GMDS: variants seen among roughly 807,000 people sequenced by gnomAD.
GMDS encodes the protein GDP-mannose 4,6-dehydratase.
GMDS carries 20 observed loss-of-function variants against 49.9 expected under a neutral mutation model. The ratio of observed to expected loss-of-function variants is 0.40; its 90% CI spans 0.28 to 0.58. The LOEUF is 0.58. GMDS is among the 20% of genes least tolerant of loss of function. The probability of loss-of-function intolerance (pLI) is 0.42; values close to 1 mark genes in which losing one functional copy is unlikely to be tolerated. For missense variants in GMDS, 362 were observed against 481.4 expected, an observed-to-expected ratio of 0.75 and a Z score of 2.32; for synonymous variants, 177 against 178.6, an observed-to-expected ratio of 0.99 and a Z score of 0.07.
At chr6:1,851,129 A>G (rs78521455) in intron 7 of GMDS, among the ~76,000 whole-genome samples, 4,284 of 152,284 alleles carry the variant, frequency 0.028, 199 homozygotes, top group African/African-American at 0.097. Flanking sequence ...TGTGGACGGG[A>G]ATGTTCCATC....
chr6:1,989,161 A>C (rs1484324405), intron 4 of GMDS, among the ~76,000 whole-genome samples: 10 of 152,362 alleles, frequency 6.6e-5, no homozygotes, highest in African/African-American at 2.4e-4. Context: ...AAGTCCTACA[A>C]GTTACAATCT....
At chr6:1,942,424 C>T (rs1762866227) in intron 6 of GMDS, among the ~76,000 whole-genome samples, 1 of 152,170 alleles carries the variant, frequency 6.6e-6, no homozygotes, top group Non-Finnish European at 1.5e-5. Context: ...CCTAACCCTG[C>T]CATCCTGACT....
intron 4 of GMDS, among the ~76,000 whole-genome samples, chr6:1,962,027 A>G (rs1763975127): frequency 6.6e-6 from 1 of 152,262 alleles, no homozygotes; most frequent in Non-Finnish European, 1.5e-5. Flanking sequence ...CAAAGGTAAG[A>G]AAGCAAATTT....
chr6:2,101,821 T>A (rs1244786522), intron 4 of GMDS, among the ~76,000 whole-genome samples: 2 of 152,104 alleles, frequency 1.3e-5, no homozygotes, highest in Non-Finnish European at 2.9e-5. Context: ...CAATCATCTA[T>A]CAATTTAAAT....
chr6:1,821,953 A>G (rs1770921451), intron 7 of GMDS, among the ~76,000 whole-genome samples: 1 of 152,126 alleles, frequency 6.6e-6, no homozygotes, highest in African/African-American at 2.4e-5. Context: ...TGCCAGGGTT[A>G]AAGGCTGGGT....
At chr6:2,244,555 C>T (rs533844371) in intron 1 of GMDS, among the ~76,000 whole-genome samples, 107 of 152,274 alleles carry the variant, frequency 7.0e-4, no homozygotes, top group Middle Eastern at 3.4e-3. Context: ...CCTACTGCAA[C>T]ACCTCTAAGA....
chr6:1,640,850 A>G lies in GMDS; in HGVS notation c.988-16310T>C, dbSNP rs886218256. Among the ~76,000 whole-genome samples the G allele has an allele frequency of 4.6e-5, 7 of 152,186 alleles. No homozygotes were observed. The highest frequency in any genetic ancestry group is 1.0e-4 in the Non-Finnish European group (7 of 68,016). ...CACGAATGCCAACACGGTACTGTTT[A>G]GGCAGAGTTATGATTGACAGTGGGG... is the stretch of plus-strand genomic sequence containing the variant. On this transcript the variant is annotated intron_variant, in intron 9 of 10. Transcript: ENST00000380815. The surrounding 1 kb of genome is among the most constrained non-coding windows in gnomAD (Gnocchi z 4.0).
At chr6:1,726,577 A>G in intron 8 of GMDS, 65 bp from the exon 9 acceptor site, 3 of 1,166,184 alleles carry the variant, frequency 2.6e-6, no homozygotes, top group Non-Finnish European at 3.9e-6. Context: ...ATGCTGTAGC[A>G]CCTTGGGATG....
At chr6:2,118,063 T>C (rs532249928) in intron 2 of GMDS, among the ~76,000 whole-genome samples, 1 of 152,174 alleles carries the variant, frequency 6.6e-6, no homozygotes, top group Admixed American at 6.5e-5. Flanking sequence ...TGCAGCTAAG[T>C]AGAAAAGTCG....
intron 7 of GMDS, among the ~76,000 whole-genome samples, chr6:1,772,082 T>C (rs546751782): frequency 6.6e-6 from 1 of 152,340 alleles, no homozygotes; most frequent in African/African-American, 2.4e-5. Flanking sequence ...ATGATATTTA[T>C]GAAAACAGTA....
intron 7 of GMDS, among the ~76,000 whole-genome samples, chr6:1,788,559 A>C (rs1421757696): frequency 6.6e-6 from 1 of 152,124 alleles, no homozygotes; most frequent in African/African-American, 2.4e-5. Context: ...GAACAATAAG[A>C]CCTGCAGGTG....
chr6:1,877,520 C>A (rs776639572), intron 7 of GMDS, among the ~76,000 whole-genome samples: 35 of 151,676 alleles, frequency 2.3e-4, no homozygotes, highest in Non-Finnish European at 4.4e-4. Context: ...TCCCTTTAGT[C>A]CCAACAACTC....
At chr6:2,129,276 C>T (rs981879624) in intron 1 of GMDS, among the ~76,000 whole-genome samples, 2 of 152,132 alleles carry the variant, frequency 1.3e-5, no homozygotes, top group African/African-American at 4.8e-5. Context: ...CCCACACACA[C>T]CCCATCCCAA....
chr6:1,669,045 A>G (rs1034838431), intron 9 of GMDS, among the ~76,000 whole-genome samples: 2 of 152,258 alleles, frequency 1.3e-5, no homozygotes, highest in African/African-American at 4.8e-5. Flanking sequence ...ACTAGTGAAG[A>G]ACTCTCTGCA....
intron 1 of GMDS, among the ~76,000 whole-genome samples, chr6:2,125,134 G>A (rs968429014): frequency 6.6e-6 from 1 of 152,156 alleles, no homozygotes; most frequent in Non-Finnish European, 1.5e-5. Flanking sequence ...ATTCTGGGGG[G>A]TCATTAAACA....
At chr6:1,687,840 G>C (rs1765033523) in intron 9 of GMDS, among the ~76,000 whole-genome samples, 1 of 152,146 alleles carries the variant, frequency 6.6e-6, no homozygotes, top group Non-Finnish European at 1.5e-5. Flanking sequence ...AGGGCATGGG[G>C]GTAAGAGGGC....
intron 8 of GMDS, among the ~76,000 whole-genome samples, chr6:1,742,010 C>A (rs1321460758): frequency 6.6e-6 from 1 of 150,874 alleles, no homozygotes; most frequent in East Asian, 2.0e-4. Flanking sequence ...CAATCTCTGC[C>A]TCCCGGGTTC....
At chr6:2,155,404 T>G (rs1777063301) in intron 1 of GMDS, among the ~76,000 whole-genome samples, 1 of 152,182 alleles carries the variant, frequency 6.6e-6, no homozygotes, top group South Asian at 2.1e-4. Flanking sequence ...CGGCATGACA[T>G]AAAAGGTAAT....
intron 4 of GMDS, among the ~76,000 whole-genome samples, chr6:1,969,532 G>A (rs980050624): frequency 6.6e-6 from 1 of 152,032 alleles, no homozygotes. Flanking sequence ...ATATATGTAG[G>A]AATGTGAAGA....
Sources: allele counts gnomAD v4.1 joint callset (sites outside exome capture counted in the v4.1 genomes callset), GRCh38; gene constraint gnomAD v4.1.1; non-coding constraint Gnocchi (gnomAD v3.1); transcripts MANE v1.5; gene names NCBI Gene and HGNC (gene_info 2026-07-23, HGNC 2026-07-21).